Variants in SLC44A3 observed in about 807,000 individuals in gnomAD.
SLC44A3 encodes the protein solute carrier family 44 member 3, also known as choline transporter-like protein 3.
A neutral mutation model predicts 75.4 loss-of-function variants in SLC44A3; 74 were observed. The ratio of observed to expected loss-of-function variants is 0.98; its 90% confidence interval spans 0.81 to 1.19. The LOEUF (loss-of-function observed/expected upper bound fraction) is 1.19, where lower values mean the gene tolerates loss of function less well. SLC44A3 is among the 50% of genes most tolerant of loss of function. SLC44A3 has a pLI of 0.00. For synonymous variants in SLC44A3, 310 were observed against 296.9 expected (o/e 1.04, Z -0.45); for missense variants, 700 against 778.6 (o/e 0.90, Z 1.20).
chr1:94,839,777 C>T (rs918284140), intron 6 of SLC44A3, among the ~76,000 whole-genome samples, 171 bp from the exon 7 acceptor site: 1 of 152,132 alleles, frequency 6.6e-6, no homozygotes, highest in East Asian at 1.9e-4. Context: ...GACTGCCCCA[C>T]GTATACCTTG....
intron 3 of SLC44A3, among the ~76,000 whole-genome samples, chr1:94,827,045 A>T (rs1467528966): frequency 3.3e-5 from 5 of 152,220 alleles, no homozygotes; most frequent in Non-Finnish European, 7.3e-5. Flanking sequence ...GGGAAAAGAC[A>T]AGCCTTTGGT....
intron 10 of SLC44A3, among the ~76,000 whole-genome samples, chr1:94,863,546 A>G (rs1666832366): frequency 6.6e-6 from 1 of 152,182 alleles, no homozygotes; most frequent in Admixed American, 6.5e-5. Flanking sequence ...AAAAAAAAAG[A>G]AAAATGAGGG....
At position 94,864,769 on chromosome 1, in the gene SLC44A3, C is replaced by T. The variant is rs1666968046; in HGVS notation, c.1265C>T (p.Pro422Leu). The change falls in exon 11 of 15, where the codon CCC (proline) becomes CTC (leucine). Residue 422 changes from proline (P) to leucine (L), a missense_variant. Pro to Leu is a moderately conservative substitution (Grantham distance 98, BLOSUM62 -3). Coordinates refer to ENST00000271227, the MANE Select transcript of SLC44A3 (RefSeq NM_001114106.3). ...NRSKNDPPDH[P>L]ILSSLSILFF... is the part of the protein sequence containing the mutation. ...AGTAAAAATGATCCTCCTGATCATC[C>T]CATCCTTTCGTCTCTCTCCATTCTC... 2 of 1,613,452 alleles carry T rather than the reference C, an allele frequency of 1.2e-6. No homozygotes were observed. The highest frequency in any genetic ancestry group is 1.3e-5 in the African/African-American group (1 of 74,892).
intron 12 of SLC44A3, among the ~76,000 whole-genome samples, chr1:94,876,380 A>G (rs1668286765): frequency 6.6e-6 from 1 of 152,160 alleles, no homozygotes; most frequent in Non-Finnish European, 1.5e-5. Flanking sequence ...CTTTGTCTGG[A>G]ACAGTTGTTG....
chr1:94,852,692 G>A (rs1665368599), intron 9 of SLC44A3, among the ~76,000 whole-genome samples: 1 of 152,142 alleles, frequency 6.6e-6, no homozygotes, highest in African/African-American at 2.4e-5. Flanking sequence ...GCTTGGAATA[G>A]GTCATAATGT....
chr1:94,824,372 C>G lies in SLC44A3; in HGVS notation c.136-121C>G, dbSNP rs940686201. 80 of 1,214,496 alleles carry G rather than the reference C, an allele frequency of 6.6e-5. 1 individual carries two copies. In the African/African-American group the frequency reaches 1.1e-3, roughly 17 times the overall value. The allele number at this position is 1,214,496 out of a possible 1,614,324, so 75.2% of individuals were successfully genotyped here. On this transcript the variant is annotated intron_variant, in intron 2 of 14. Transcript: ENST00000271227. ...ACACTGTTACTGACGGAGCAAAGCG[C>G]TATGATGCTGGAGAGCTTCACGTTC...
At chr1:94,842,179 C>T (rs1663747607) in intron 8 of SLC44A3, 55 bp downstream of exon 8, 1 of 1,514,178 alleles carries the variant, frequency 6.6e-7, no homozygotes, top group Non-Finnish European at 8.8e-7. Flanking sequence ...CTCTGAAATC[C>T]AAATCATTGA....
intron 1 of SLC44A3, 46 bp from the exon 2 acceptor site, chr1:94,820,903 T>C (rs1341586692): frequency 1.3e-6 from 2 of 1,516,178 alleles, no homozygotes; most frequent in South Asian, 2.4e-5. Flanking sequence ...CCAGGTTGAG[T>C]CCACCTGTTT....
chr1:94,871,050 G>A (rs1667719107), intron 12 of SLC44A3, among the ~76,000 whole-genome samples: 1 of 152,170 alleles, frequency 6.6e-6, no homozygotes, highest in African/African-American at 2.4e-5. Context: ...GAGGCACATA[G>A]TGGCAGAACT....
intron 5 of SLC44A3, among the ~76,000 whole-genome samples, chr1:94,832,023 T>C (rs905185947): frequency 1.3e-5 from 2 of 151,900 alleles, no homozygotes; most frequent in Non-Finnish European, 2.9e-5. Context: ...AAAAATTAGC[T>C]GGGTGTGATG....
chr1:94,877,034 A>G (rs2101575594), intron 12 of SLC44A3, among the ~76,000 whole-genome samples: 1 of 152,108 alleles, frequency 6.6e-6, no homozygotes, highest in Non-Finnish European at 1.5e-5. Flanking sequence ...CTGGTCACCT[A>G]GAAGCCCCAT....
At chr1:94,834,157 C>A (rs937934804) in intron 5 of SLC44A3, among the ~76,000 whole-genome samples, 1 of 152,038 alleles carries the variant, frequency 6.6e-6, no homozygotes, top group African/African-American at 2.4e-5. Context: ...TCAGTAATAC[C>A]CCACCATACC....
At chr1:94,853,124 C>T (rs1665419389) in intron 9 of SLC44A3, among the ~76,000 whole-genome samples, 1 of 151,946 alleles carries the variant, frequency 6.6e-6, no homozygotes, top group African/African-American at 2.4e-5. Flanking sequence ...TTCAGGATGC[C>T]CGGGAGATGA....
chr1:94,850,788 A>G (rs1182001290), intron 9 of SLC44A3, among the ~76,000 whole-genome samples: 1 of 152,228 alleles, frequency 6.6e-6, no homozygotes, highest in East Asian at 1.9e-4. Flanking sequence ...TTGACCAAGG[A>G]ACATCTAGTA....
At chr1:94,827,674 C>A (rs1313185199) in intron 4 of SLC44A3, 31 bp downstream of exon 4, 1 of 1,611,268 alleles carries the variant, frequency 6.2e-7, no homozygotes, top group Non-Finnish European at 8.5e-7. Context: ...TGTTCTTTTC[C>A]CCATGATGGG....
At chr1:94,821,951 T>C (rs560325077) in intron 2 of SLC44A3, among the ~76,000 whole-genome samples, 1 of 152,350 alleles carries the variant, frequency 6.6e-6, no homozygotes, top group African/African-American at 2.4e-5. Context: ...AGTGGAAGGT[T>C]AGGTCTGAAA....
chr1:94,832,519 T>A (rs190666848), intron 5 of SLC44A3, among the ~76,000 whole-genome samples: 1 of 152,354 alleles, frequency 6.6e-6, no homozygotes, highest in East Asian at 1.9e-4. Flanking sequence ...AGCAATTTAA[T>A]TTTTGTCTTT....
chr1:94,881,035 C>T (rs1017164598), intron 12 of SLC44A3, among the ~76,000 whole-genome samples: 2 of 152,174 alleles, frequency 1.3e-5, no homozygotes, highest in Non-Finnish European at 2.9e-5. Context: ...AAGACCCCGT[C>T]TCAAGAGAAA....
At chr1:94,853,059 T>C (rs1441640613) in intron 9 of SLC44A3, among the ~76,000 whole-genome samples, 1 of 152,040 alleles carries the variant, frequency 6.6e-6, no homozygotes, top group African/African-American at 2.4e-5. Context: ...ACCATGAGAT[T>C]AGAATGAATG....
Sources: gnomAD v4.1 joint callset for allele counts (sites outside exome capture counted in the v4.1 genomes callset) on GRCh38, gnomAD v4.1.1 for gene constraint, MANE v1.5 for transcripts, NCBI Gene and HGNC (gene_info 2026-07-23, HGNC 2026-07-21) for gene names.